The following SYN3 variants were observed in gnomAD, a reference collection of about 807,000 sequenced individuals.
The protein encoded by SYN3 is synapsin-3.
SYN3 carries 35 observed loss-of-function variants against 65.8 expected under a neutral mutation model. The observed-to-expected ratio is 0.53, with a 90% CI of 0.41 to 0.70. The LOEUF is 0.70. Among genes scored for constraint, SYN3 ranks in the 30% least tolerant of loss-of-function variants. The probability of loss-of-function intolerance (pLI) is 0.00; values close to 1 mark genes in which losing one functional copy is unlikely to be tolerated. For missense variants in SYN3, 680 were observed against 749.0 expected, an observed-to-expected ratio of 0.91 and a Z score of 1.08; for synonymous variants, 270 against 292.9, an observed-to-expected ratio of 0.92 and a Z score of 0.80.
intron 6 of SYN3, among the ~76,000 whole-genome samples, chr22:32,740,826 G>C (rs2061394986): frequency 6.6e-6 from 1 of 152,176 alleles, no homozygotes; most frequent in Non-Finnish European, 1.5e-5. Flanking sequence ...TTCGAGAAGA[G>C]ATGGGAGGGC....
chr22:32,954,356 G>A (rs2051382339), intron 3 of SYN3, among the ~76,000 whole-genome samples: 1 of 152,140 alleles, frequency 6.6e-6, no homozygotes, highest in African/African-American at 2.4e-5. Context: ...TTAGAAGGTC[G>A]ACAGACCTAG....
intron 7 of SYN3, among the ~76,000 whole-genome samples, chr22:32,544,262 G>A (rs1174617858): frequency 6.6e-6 from 1 of 152,196 alleles, no homozygotes; most frequent in African/African-American, 2.4e-5. Flanking sequence ...CTTTGTTAAA[G>A]CAGCCAAATG....
At chr22:32,614,964 A>T (rs935936922) in intron 6 of SYN3, among the ~76,000 whole-genome samples, 1 of 105,230 alleles carries the variant, frequency 9.5e-6, no homozygotes, top group Non-Finnish European at 1.9e-5. Flanking sequence ...ATTTCAGACA[A>T]ATGTTCCAAA....
intron 6 of SYN3, among the ~76,000 whole-genome samples, chr22:32,629,049 G>A (rs143694121): frequency 6.6e-6 from 1 of 152,120 alleles, no homozygotes; most frequent in African/African-American, 2.4e-5. Flanking sequence ...GCAGGTTTAT[G>A]AGCTCGGAGC....
In SYN3 at chr22:33,041,673, C is replaced by T. The variant is rs555395073; in HGVS notation, c.-163+16619G>A. Among the ~76,000 whole-genome samples, 66 of 152,278 alleles carry T rather than the reference C, an allele frequency of 4.3e-4. No individual in the cohort carries two copies. The East Asian group carries it at 7.9e-3, about 18-fold the overall frequency. On this transcript the variant is annotated intron_variant, in intron 1 of 13. Transcript: ENST00000358763. ...ATCCTTGCACAGTAGCTCACTGACA[C>T]TTATCCTCTTACCTGCCATGCATGT...
At chr22:32,629,555 T>C (rs2059717690) in intron 6 of SYN3, 1 of 152,232 alleles carries the variant, frequency 6.6e-6, no homozygotes, top group Non-Finnish European at 1.5e-5. Flanking sequence ...GACGAGAGGT[T>C]GGTGGGCAGG....
At chr22:32,882,280 T>A (rs554508931) in intron 4 of SYN3, among the ~76,000 whole-genome samples, 2 of 152,334 alleles carry the variant, frequency 1.3e-5, no homozygotes, top group Admixed American at 1.3e-4. Context: ...CCTGTCCCTA[T>A]GTTCTAACAT....
chr22:32,573,883 C>A (rs2058814064), intron 7 of SYN3, among the ~76,000 whole-genome samples: 1 of 150,814 alleles, frequency 6.6e-6, no homozygotes, highest in South Asian at 2.1e-4. Context: ...GATTCTCCTG[C>A]CTCAGCCTCC....
At chr22:32,552,107 G>A (rs138347337) in intron 7 of SYN3, among the ~76,000 whole-genome samples, 8 of 152,336 alleles carry the variant, frequency 5.3e-5, no homozygotes, top group Middle Eastern at 3.4e-3. Flanking sequence ...TTAGCTGAGA[G>A]TGGTGGCGGG....
chr22:32,538,120 A>T lies in SYN3; in HGVS notation c.918-10T>A. ...AGAGATGGAGGTTCTCCTGTACCAG[A>T]ACAAACAACACATTGAGGGAATTAG... is the stretch of plus-strand genomic sequence containing the variant. On this transcript the variant is annotated splice_polypyrimidine_tract_variant and intron_variant, in intron 8 of 13. Transcript: ENST00000358763. 1 of 1,613,796 alleles carries T rather than the reference A, an allele frequency of 6.2e-7. No individual in the cohort carries two copies. The highest frequency in any genetic ancestry group is 8.5e-7 in the Non-Finnish European group (1 of 1,179,672).
In SYN3 at chr22:32,556,820, T is replaced by G. The variant is rs1463206965; in HGVS notation, c.775-15107A>C. Among the ~76,000 whole-genome samples, 56 of 128,980 alleles carry G rather than the reference T, an allele frequency of 4.3e-4. 4 individuals are homozygous for G. Among genetic ancestry groups the G allele is most frequent in the African/African-American group, 8.8e-4 (30 of 34,010 alleles). The allele number at this position is 128,980 out of a possible 152,430, so 84.6% of individuals were successfully genotyped here. On this transcript the variant is annotated intron_variant, in intron 7 of 13. Transcript: ENST00000358763. ...GGTTTCCTGGTTTTTTTTTTTTTTT[T>G]TTTTTTTTTTTTTTTGTGTGTAGAG...
intron 6 of SYN3, among the ~76,000 whole-genome samples, chr22:32,662,926 G>T (rs2060235704): frequency 1.3e-5 from 2 of 152,136 alleles, no homozygotes; most frequent in African/African-American, 4.8e-5. Context: ...CACTTTCTGA[G>T]AAAAGCAAAC....
intron 3 of SYN3, among the ~76,000 whole-genome samples, chr22:32,940,215 TTATTAA>T (rs1015918828): frequency 5.5e-4 from 83 of 152,292 alleles, no homozygotes; most frequent in African/African-American, 1.9e-3. Context: ...TGCATTTATC[TTATTAA>T]TTTATAAAGG....
chr22:32,909,173 A>C (rs887498600), intron 4 of SYN3, among the ~76,000 whole-genome samples: 1 of 152,134 alleles, frequency 6.6e-6, no homozygotes, highest in Non-Finnish European at 1.5e-5. Flanking sequence ...TTGACAAGTC[A>C]TGGTCTTTAG....
chr22:32,645,599 T>C (rs2059972494), intron 6 of SYN3, among the ~76,000 whole-genome samples: 1 of 152,256 alleles, frequency 6.6e-6, no homozygotes, highest in African/African-American at 2.4e-5. Context: ...TTCTGAAACG[T>C]TAATTGGTAA....
At chr22:32,558,168 C>A (rs1233439052) in intron 7 of SYN3, among the ~76,000 whole-genome samples, 1 of 152,198 alleles carries the variant, frequency 6.6e-6, no homozygotes, top group African/African-American at 2.4e-5. Context: ...ATTAGATTGG[C>A]CCCTCTCCTT....
chr22:32,527,763 A>G, intron 12 of SYN3, 155 bp downstream of exon 12: 1 of 622,574 alleles, frequency 1.6e-6, no homozygotes, highest in Non-Finnish European at 2.7e-6. Context: ...GACTTTTTAA[A>G]GAGTTTGACC....
At chr22:32,626,601 A>T (rs569174748) in intron 6 of SYN3, among the ~76,000 whole-genome samples, 2 of 152,148 alleles carry the variant, frequency 1.3e-5, no homozygotes, top group Admixed American at 1.3e-4. Context: ...AAAGATGGGG[A>T]CTCTGTTGAC....
chr22:32,982,551 G>C (rs964417464), intron 2 of SYN3, among the ~76,000 whole-genome samples: 1 of 152,154 alleles, frequency 6.6e-6, no homozygotes, highest in African/African-American at 2.4e-5. Context: ...TCTATACTGA[G>C]AGTCTCTTCA....
Sources: allele counts gnomAD v4.1 joint callset (sites outside exome capture counted in the v4.1 genomes callset), GRCh38; gene constraint gnomAD v4.1.1; transcripts MANE v1.5; gene names NCBI Gene and HGNC (gene_info 2026-07-23, HGNC 2026-07-21).